The following PCDHGA4 variants were observed in gnomAD, a reference collection of about 807,000 sequenced individuals.
The protein encoded by PCDHGA4 is protocadherin gamma-A4.
A neutral mutation model predicts 54.6 loss-of-function variants in PCDHGA4; 38 were observed. The observed-to-expected ratio is 0.70, with a 90% CI of 0.54 to 0.91. The LOEUF is 0.91. Among genes scored for constraint, PCDHGA4 ranks in the 40% least tolerant of loss-of-function variants. PCDHGA4 has a pLI of 0.00. For missense variants in PCDHGA4, 1,298 were observed against 1,220.9 expected (o/e 1.06, Z -0.94); for synonymous variants, 511 against 512.9 (o/e 1.00, Z 0.05).
chr5:141,429,377 GTT>G (rs566693637), intron 1 of PCDHGA4, among the ~76,000 whole-genome samples: 7 of 149,436 alleles, frequency 4.7e-5, no homozygotes, highest in African/African-American at 1.7e-4. Flanking sequence ...GAGAAAATGT[GTT>G]TTTTTTTTAA....
In PCDHGA4 at chr5:141,490,912, AATG is replaced by A; in HGVS notation, c.2515-3892_2515-3890del. 6.2e-7 allele frequency: 1 copy of A among 1,613,644 alleles called. No homozygotes were observed. Among genetic ancestry groups the A allele is most frequent in the Non-Finnish European group, 8.5e-7 (1 of 1,179,684 alleles). On this transcript the variant is annotated intron_variant, in intron 1 of 3. Transcript: ENST00000571252. This position sits in a 1 kb window ranked among gnomAD's most constrained non-coding sequence, Gnocchi z 5.4. ...TCTGCATGTGTTTGTCCTAGACGAG[AATG>A]ATAATGCCCCAGCTGTGCTGCACCC...
rs192227219 is a variant in PCDHGA4 at position 141,501,899 on chromosome 5, A to G, written c.2574-3494A>G. Among the ~76,000 whole-genome samples the G allele has an allele frequency of 1.0e-3, 159 of 152,024 alleles. 1 individual carries two copies. The highest frequency in any genetic ancestry group is 6.8e-3 in the Middle Eastern group (2 of 294). ...TACACTCCTGATCATCATGGTTCCA[A>G]CCCCACTGTTCCACTCAGCTTTGTT... is the stretch of plus-strand genomic sequence containing the variant. On this transcript the variant is annotated intron_variant, in intron 2 of 3. Transcript: ENST00000571252.
chr5:141,360,208 T>C (rs780604415), intron 1 of PCDHGA4: 9 of 1,613,072 alleles, frequency 5.6e-6, no homozygotes, highest in Non-Finnish European at 7.6e-6. Flanking sequence ...GTTGTCTTTG[T>C]TCCCCGGGGC....
chr5:141,430,723 A>C lies in PCDHGA4; in HGVS notation c.2515-64084A>C, dbSNP rs554822923. ...GAACTGCTCCTGACTTCAGTGGTTAAGGGCAGAATTGAAAATAATTCTGGA... is the reference window on the plus strand; with the variant it reads ...GAACTGCTCCTGACTTCAGTGGTTACGGGCAGAATTGAAAATAATTCTGGA... On this transcript the variant is annotated intron_variant, in intron 1 of 3. Transcript: ENST00000571252. 58 of 1,493,590 alleles carry C rather than the reference A, an allele frequency of 3.9e-5. No homozygotes were observed. The African/African-American group carries it at 7.7e-4, about 20-fold the overall frequency. The allele number at this position is 1,493,590 out of a possible 1,614,324, so 92.5% of individuals were successfully genotyped here. A position where few individuals can be genotyped will look rare whatever the true frequency, so the allele number is the denominator to read the frequency against.
intron 1 of PCDHGA4, chr5:141,371,317 A>G: frequency 1.9e-6 from 3 of 1,613,996 alleles, no homozygotes; most frequent in East Asian, 2.2e-5. Flanking sequence ...GGAGAACTGG[A>G]CTTTGAAGAG....
chr5:141,494,977 T>C, intron 2 of PCDHGA4, 112 bp downstream of exon 2: 1 of 1,574,332 alleles, frequency 6.4e-7, no homozygotes, highest in East Asian at 2.3e-5. Context: ...TCTCCCTCAG[T>C]TTGAGATCCC....
chr5:141,374,724 C>A (rs1384151075), intron 1 of PCDHGA4: 1 of 1,610,030 alleles, frequency 6.2e-7, no homozygotes, highest in African/African-American at 1.3e-5. Context: ...GTCCTTACTG[C>A]CATGGATGGC....
intron 2 of PCDHGA4, among the ~76,000 whole-genome samples, chr5:141,498,191 A>G (rs2099782212): frequency 6.6e-6 from 1 of 152,270 alleles, no homozygotes; most frequent in African/African-American, 2.4e-5. Flanking sequence ...CAAATTAACC[A>G]GCTAAAGAAA....
In PCDHGA4 at chr5:141,489,459, C is replaced by A; in HGVS notation, c.2515-5348C>A. ...AATTGGGCTCTGAGGAGAATGGGCG[C>A]TATTTTTCCCTGAGCTTGATGAGTG... On this transcript the variant is annotated intron_variant, in intron 1 of 3. Transcript: ENST00000571252. The surrounding 1 kb of genome is among the most constrained non-coding windows in gnomAD (Gnocchi z 4.5). 1 of 1,614,086 alleles carries A rather than the reference C, an allele frequency of 6.2e-7. No individual in the cohort carries two copies. The highest frequency in any genetic ancestry group is 8.5e-7 in the Non-Finnish European group (1 of 1,180,012).
chr5:141,362,106 G>A, intron 1 of PCDHGA4: 1 of 1,612,496 alleles, frequency 6.2e-7, no homozygotes, highest in Non-Finnish European at 8.5e-7. Flanking sequence ...TCTCCGCTAC[G>A]GCCACGCTGC....
chr5:141,359,594 A>C (rs1761263639), intron 1 of PCDHGA4, among the ~76,000 whole-genome samples: 1 of 151,908 alleles, frequency 6.6e-6, no homozygotes, highest in Non-Finnish European at 1.5e-5. Flanking sequence ...ACAACTAAAA[A>C]AGCAATGTGC....
chr5:141,433,358 C>T (rs974347696), intron 1 of PCDHGA4: 20 of 503,934 alleles, frequency 4.0e-5, no homozygotes, highest in African/African-American at 3.1e-4. Flanking sequence ...CTACTGTCTG[C>T]CTATCTATCT....
Position 141,370,644 on chromosome 5 carries a change from T to A in PCDHGA4, c.2514+13023T>A, listed in dbSNP as rs758086721. The A allele has an allele frequency of 5.6e-6, 9 of 1,613,802 alleles. No homozygotes were observed. The highest frequency in any genetic ancestry group is 7.6e-6 in the Non-Finnish European group (9 of 1,179,900). On this transcript the variant is annotated intron_variant, in intron 1 of 3. Transcript: ENST00000571252. ...TACCGTGAGCCCCGAAAATGGGAAC[T>A]TACTTGTGAGCGACCGTATAGACCG... is the stretch of plus-strand genomic sequence containing the variant.
intron 1 of PCDHGA4, chr5:141,384,439 C>A (rs1314559914): frequency 6.2e-7 from 1 of 1,614,016 alleles, no homozygotes; most frequent in South Asian, 1.1e-5. Flanking sequence ...CACTGGAGTC[C>A]TGTACGCGCT....
rs559544645 is a variant in PCDHGA4, at chr5:141,405,144, G to C, written c.2514+47523G>C. ...CATCTGCTGCGGGCTACCAGTGATGGGTTGGCTGGTGTGCCCACCTCACAC... is the reference window on the plus strand; with the variant it reads ...CATCTGCTGCGGGCTACCAGTGATGCGTTGGCTGGTGTGCCCACCTCACAC... On this transcript the variant is annotated intron_variant, in intron 1 of 3. Coordinates refer to ENST00000571252, the MANE Select transcript of PCDHGA4 (RefSeq NM_018917.4). 1.1e-4 allele frequency: 184 copies of C among 1,614,070 alleles called. 1 individual carries two copies. The South Asian group carries it at 1.9e-3, about 17-fold the overall frequency.
intron 1 of PCDHGA4, chr5:141,389,477 G>C (rs761615943): frequency 1.9e-6 from 3 of 1,613,174 alleles, no homozygotes; most frequent in Non-Finnish European, 2.5e-6. Flanking sequence ...TCACACTGCA[G>C]GCCCGCGACC....
intron 1 of PCDHGA4, chr5:141,372,326 C>T (rs760968250): frequency 3.3e-5 from 54 of 1,613,610 alleles, no homozygotes; most frequent in Non-Finnish European, 4.3e-5. Context: ...GCCTGCTGGT[C>T]ACTGTGCGTG....
At position 141,432,135 on chromosome 5, in the gene PCDHGA4, C is replaced by T; in HGVS notation, c.2515-62672C>T. On this transcript the variant is annotated intron_variant, in intron 1 of 3. Transcript: ENST00000571252. This position sits in a 1 kb window ranked among gnomAD's most constrained non-coding sequence, Gnocchi z 6.0. ...GTCTTCCCTCAGGCCTCCTATTCCGCTTATATCCCAGAGAACAATCCCAGA... is the reference window on the plus strand; with the variant it reads ...GTCTTCCCTCAGGCCTCCTATTCCGTTTATATCCCAGAGAACAATCCCAGA... The T allele has an allele frequency of 6.2e-7, 1 of 1,614,140 alleles. No homozygotes were observed. Among genetic ancestry groups the T allele is most frequent in the Non-Finnish European group, 8.5e-7 (1 of 1,180,026 alleles).
intron 1 of PCDHGA4, among the ~76,000 whole-genome samples, chr5:141,358,812 C>T (rs1446973698): frequency 6.6e-6 from 1 of 152,188 alleles, no homozygotes; most frequent in Non-Finnish European, 1.5e-5. Flanking sequence ...ATGATTTACG[C>T]TGCTTAGTAA....
Sources: allele counts gnomAD v4.1 joint callset (sites outside exome capture counted in the v4.1 genomes callset), GRCh38; gene constraint gnomAD v4.1.1; non-coding constraint Gnocchi (gnomAD v3.1); transcripts MANE v1.5; gene names NCBI Gene and HGNC (gene_info 2026-07-23, HGNC 2026-07-21).